RAB4B: variants seen among roughly 807,000 people sequenced by gnomAD.
The protein encoded by RAB4B is RAB4B, member RAS oncogene family, also known as ras-related protein Rab-4B.
RAB4B carries 15 observed loss-of-function variants against 28.3 expected under a neutral mutation model. That is an observed-to-expected ratio of 0.53 (90% CI 0.35 to 0.82). The LOEUF (loss-of-function observed/expected upper bound fraction) is 0.82, where lower values mean the gene tolerates loss of function less well. Among genes scored for constraint, RAB4B ranks in the 40% least tolerant of loss-of-function variants. RAB4B has a pLI of 0.01. For missense variants in RAB4B, 244 were observed against 288.5 expected, an observed-to-expected ratio of 0.85 and a Z score of 1.12; for synonymous variants, 108 against 116.3, an observed-to-expected ratio of 0.93 and a Z score of 0.46.
chr19:40,786,849 C>A lies in RAB4B; in HGVS notation c.528C>A (p.Gly176=), dbSNP rs144855562. The change falls in exon 7 of 8, where the codon GGC becomes GGA. Residue 176 remains glycine, a splice_region_variant and synonymous_variant. Coordinates refer to ENST00000357052, the MANE Select transcript of RAB4B (RefSeq NM_016154.5). ...GCTGACCTCTCCCCTTCCCCACAGG[C>A]GAGCTAGACCCGGAGAGGATGGGCT... ...ARTILNKIDS[G]ELDPERMGSG... is the part of the protein sequence containing the mutation. 6.2e-7 allele frequency: 1 copy of A among 1,614,004 alleles called. No homozygotes were observed. Among genetic ancestry groups the A allele is most frequent in the African/African-American group, 1.3e-5 (1 of 74,926 alleles).
At chr19:40,779,865 C>T (rs2083030585) in intron 1 of RAB4B, 154 bp from the exon 2 acceptor site, 1 of 1,503,520 alleles carries the variant, frequency 6.7e-7, no homozygotes, top group Non-Finnish European at 8.9e-7. Flanking sequence ...TAAGAGTTAT[C>T]TGTTACTGTT....
chr19:40,778,858 G>A (rs571232144), intron 1 of RAB4B, among the ~76,000 whole-genome samples: 6 of 152,198 alleles, frequency 3.9e-5, no homozygotes, highest in Admixed American at 6.6e-5. Flanking sequence ...AGTGGCAAAG[G>A]GTGGGACTTA....
chr19:40,790,539 T>G (rs948549754), intron 7 of RAB4B, among the ~76,000 whole-genome samples: 2 of 148,710 alleles, frequency 1.3e-5, no homozygotes, highest in African/African-American at 5.0e-5. Context: ...CCCGGCTAAT[T>G]TTTTGTATTT....
At position 40,786,877 on chromosome 19, in the gene RAB4B, G is replaced by C. The variant is rs777797873; in HGVS notation, c.556G>C (p.Gly186Arg). The change falls in exon 7 of 8, where the codon GGC becomes CGC. Residue 186 changes from glycine (G) to arginine (R), a missense_variant. Coordinates refer to ENST00000357052, the MANE Select transcript of RAB4B (RefSeq NM_016154.5). ...GCTAGACCCGGAGAGGATGGGCTCTGGCATTCAGTACGGGGATGCGTCCCT... is the reference window on the plus strand; with the variant it reads ...GCTAGACCCGGAGAGGATGGGCTCTCGCATTCAGTACGGGGATGCGTCCCT... ...GELDPERMGS[G>R]IQYGDASLRQ... The C allele has an allele frequency of 6.2e-6, 10 of 1,614,024 alleles. No homozygotes were observed. The highest frequency in any genetic ancestry group is 4.2e-6 in the Non-Finnish European group (5 of 1,180,014).
chr19:40,788,945 C>G (rs1464902652), intron 7 of RAB4B, among the ~76,000 whole-genome samples: 2 of 151,990 alleles, frequency 1.3e-5, no homozygotes, highest in East Asian at 3.9e-4. Context: ...CCACGCCTGG[C>G]TAATTTTTAT....
intron 2 of RAB4B, 22 bp from the exon 3 acceptor site, chr19:40,780,363 C>T: frequency 1.3e-6 from 2 of 1,583,070 alleles, no homozygotes; most frequent in Non-Finnish European, 8.6e-7. Flanking sequence ...TGTACTGCCC[C>T]TTCTGTTCCT....
chr19:40,786,774 C>G lies in RAB4B; in HGVS notation c.526+14C>G, dbSNP rs918895344. 6.2e-7 allele frequency: 1 copy of G among 1,613,972 alleles called. No homozygotes were observed. The highest frequency in any genetic ancestry group is 1.3e-5 in the African/African-American group (1 of 74,928). On this transcript the variant is annotated intron_variant, in intron 6 of 7. Coordinates refer to ENST00000357052, the MANE Select transcript of RAB4B (RefSeq NM_016154.5). ...AGATTGACTCAGGTGAGGCCCCGAC[C>G]GGCCCGAGTGGGAGCGAAGGGCAGG... is the stretch of plus-strand genomic sequence containing the variant.
At chr19:40,794,230 A>G (rs1273603017) in intron 7 of RAB4B, among the ~76,000 whole-genome samples, 2 of 149,666 alleles carry the variant, frequency 1.3e-5, no homozygotes, top group Non-Finnish European at 3.0e-5. Flanking sequence ...GCCCGCCACC[A>G]CGCCCAGCTA....
chr19:40,795,661 C>T (rs770606534), intron 7 of RAB4B, among the ~76,000 whole-genome samples: 52 of 151,932 alleles, frequency 3.4e-4, no homozygotes, highest in Non-Finnish European at 6.9e-4. Context: ...TCCCAAAGTG[C>T]TGGGATTACA....
chr19:40,782,371 A>T (rs886187192), intron 3 of RAB4B, among the ~76,000 whole-genome samples: 3 of 152,180 alleles, frequency 2.0e-5, no homozygotes, highest in Admixed American at 6.6e-5. Context: ...GGATAAGCAG[A>T]TGTTGTATAG....
intron 7 of RAB4B, among the ~76,000 whole-genome samples, chr19:40,794,124 G>C (rs2083186287): frequency 6.6e-6 from 1 of 151,716 alleles, no homozygotes; most frequent in Non-Finnish European, 1.5e-5. Context: ...GCCCAAGCTG[G>C]AGTGCAATGG....
intron 1 of RAB4B, 200 bp from the exon 2 acceptor site, chr19:40,779,819 T>G (rs769349183): frequency 7.7e-7 from 1 of 1,304,112 alleles, no homozygotes; most frequent in South Asian, 1.8e-5. Flanking sequence ...TGAAAAAAAA[T>G]ATATAGAATG....
chr19:40,783,702 GTC>G (rs2083072049), intron 3 of RAB4B, 74 bp from the exon 4 acceptor site: 1 of 1,408,568 alleles, frequency 7.1e-7, no homozygotes, highest in African/African-American at 1.4e-5. Flanking sequence ...CGAACCACCA[GTC>G]TGTCTCTGTA....
At chr19:40,789,910 G>A (rs923500872) in intron 7 of RAB4B, among the ~76,000 whole-genome samples, 1 of 152,214 alleles carries the variant, frequency 6.6e-6, no homozygotes, top group African/African-American at 2.4e-5. Context: ...GAGCACTGCT[G>A]GAGAGCACAG....
chr19:40,783,578 TGAGAGAGGCGAA>T (rs2083070736), intron 3 of RAB4B, among the ~76,000 whole-genome samples, 188 bp from the exon 4 acceptor site: 1 of 151,392 alleles, frequency 6.6e-6, no homozygotes, highest in South Asian at 2.1e-4. Context: ...AGATAGAAGC[TGAGAGAGGCGAA>T]GAGAGAGGGA....
At chr19:40,793,110 G>A (rs2644898) in intron 7 of RAB4B, among the ~76,000 whole-genome samples, 117,357 of 152,048 alleles carry the variant, frequency 0.77, 45,584 homozygotes, top group African/African-American at 0.83. Flanking sequence ...GAGGTGCCAT[G>A]CTTATACTGC....
At chr19:40,783,147 CAAAAAAAAAAAAA>C (rs1168587843) in intron 3 of RAB4B, among the ~76,000 whole-genome samples, 4 of 35,682 alleles carry the variant, frequency 1.1e-4, no homozygotes, top group Admixed American at 3.7e-4. Flanking sequence ...GATTCCTACT[CAAAAAAAAAAAAA>C]AAAAAAAAAA....
chr19:40,794,105 G>A (rs996949905), intron 7 of RAB4B, among the ~76,000 whole-genome samples: 2 of 150,960 alleles, frequency 1.3e-5, no homozygotes, highest in African/African-American at 4.9e-5. Flanking sequence ...ATGGAGTTTC[G>A]CTTATGTTGC....
intron 7 of RAB4B, among the ~76,000 whole-genome samples, chr19:40,791,385 C>T (rs1225590191): frequency 1.3e-5 from 2 of 152,092 alleles, no homozygotes; most frequent in East Asian, 3.9e-4. Context: ...CATCTCAGGG[C>T]CCCAGGACAC....
Sources: gnomAD v4.1 joint callset for allele counts (sites outside exome capture counted in the v4.1 genomes callset) on GRCh38, gnomAD v4.1.1 for gene constraint, MANE v1.5 for transcripts, NCBI Gene and HGNC (gene_info 2026-07-23, HGNC 2026-07-21) for gene names.